SDCBP: variants seen among roughly 807,000 people sequenced by gnomAD.
SDCBP encodes the protein syntenin-1.
A neutral mutation model predicts 30.5 loss-of-function variants in SDCBP; 22 were observed. That is an observed-to-expected ratio of 0.72 (90% CI 0.52 to 1.03). The LOEUF (loss-of-function observed/expected upper bound fraction) is 1.03. SDCBP is among the 50% of genes least tolerant of loss of function. The pLI is 0.00. For missense variants in SDCBP, 304 were observed against 369.9 expected, an observed-to-expected ratio of 0.82 and a Z score of 1.46; for synonymous variants, 103 against 118.7, an observed-to-expected ratio of 0.87 and a Z score of 0.86.
At position 58,553,306 on chromosome 8, in the gene SDCBP, G is replaced by A. The variant is rs1459755312; in HGVS notation, c.-16+3G>A. 1 of 154,844 alleles carries A rather than the reference G, an allele frequency of 6.5e-6. No individual in the cohort carries two copies. Among genetic ancestry groups the A allele is most frequent in the African/African-American group, 2.4e-5 (1 of 41,514 alleles). The allele number at this position is 154,844 out of a possible 1,614,324, so 9.6% of individuals were successfully genotyped here. ...GCGAGCGGTTCCTTGTGGGCTAGGT[G>A]AGAGGCCAAGGGGGCAAGGAGGGAC... is the stretch of plus-strand genomic sequence containing the variant. On this transcript the variant is annotated splice_donor_region_variant and intron_variant, in intron 1 of 8. Coordinates refer to ENST00000260130, the MANE Select transcript of SDCBP (RefSeq NM_005625.4).
chr8:58,567,925 C>G (rs1804789601), intron 2 of SDCBP, among the ~76,000 whole-genome samples: 1 of 152,128 alleles, frequency 6.6e-6, no homozygotes, highest in African/African-American at 2.4e-5. Context: ...AAGGCACTTA[C>G]CATGAATGGA....
chr8:58,579,637 C>T lies in SDCBP; in HGVS notation c.593C>T (p.Thr198Met), dbSNP rs567927664. 1.2e-5 allele frequency: 19 copies of T among 1,579,634 alleles called. No homozygotes were observed. The highest frequency in any genetic ancestry group is 1.1e-4 in the African/African-American group (8 of 73,652). The change falls in exon 7 of 9, where the codon ACG (threonine) becomes ATG (methionine). Residue 198 changes from threonine (T) to methionine (M), a missense_variant. Thr to Met is a moderately conservative substitution (Grantham distance 81). Transcript: ENST00000260130. ...TATGTTTGTAGGCCCTTTGAACGGA[C>T]GATTACCATGCATAAGGATAGCACT... ...MTIRDRPFER[T>M]ITMHKDSTGH...
At chr8:58,576,177 G>A in intron 5 of SDCBP, 116 bp downstream of exon 5, 2 of 790,862 alleles carry the variant, frequency 2.5e-6, no homozygotes, top group South Asian at 2.0e-5. Flanking sequence ...CTGTAGTTGA[G>A]AATATTTTAA....
intron 1 of SDCBP, among the ~76,000 whole-genome samples, chr8:58,563,136 G>C (rs1804524844): frequency 6.6e-6 from 1 of 152,022 alleles, no homozygotes. Flanking sequence ...AATGCTCATT[G>C]GCATTTTTAA....
chr8:58,572,911 A>G (rs1427391430), intron 4 of SDCBP, among the ~76,000 whole-genome samples: 1 of 148,416 alleles, frequency 6.7e-6, no homozygotes, highest in Non-Finnish European at 1.5e-5. Flanking sequence ...GGTTCAAGCA[A>G]TTCTCCTGCC....
At chr8:58,558,343 G>A (rs1182383035) in intron 1 of SDCBP, among the ~76,000 whole-genome samples, 2 of 152,166 alleles carry the variant, frequency 1.3e-5, no homozygotes, top group African/African-American at 2.4e-5. Flanking sequence ...ATGTGGTGGT[G>A]TGACCACAGC....
chr8:58,572,350 A>G, intron 4 of SDCBP, 36 bp downstream of exon 4: 1 of 1,339,990 alleles, frequency 7.5e-7, no homozygotes, highest in Admixed American at 1.7e-5. Flanking sequence ...TTTATATAAA[A>G]TCATACTTTA....
intron 1 of SDCBP, among the ~76,000 whole-genome samples, chr8:58,557,197 A>G (rs1375539532): frequency 3.1e-4 from 39 of 127,188 alleles, no homozygotes; most frequent in African/African-American, 1.2e-3. Flanking sequence ...GTATTATTAT[A>G]TATTAATATT....
intron 2 of SDCBP, among the ~76,000 whole-genome samples, chr8:58,567,830 G>C (rs1481884003): frequency 2.6e-5 from 4 of 152,142 alleles, no homozygotes; most frequent in Non-Finnish European, 5.9e-5. Flanking sequence ...GTAGGCAATT[G>C]TTACACAATA....
chr8:58,570,669 T>C (rs890809447), intron 2 of SDCBP: 1 of 437,620 alleles, frequency 2.3e-6, no homozygotes, highest in Non-Finnish European at 4.1e-6. Flanking sequence ...TACAATTTTT[T>C]TGTGATAGCC....
At chr8:58,572,972 A>G (rs1225135113) in intron 4 of SDCBP, among the ~76,000 whole-genome samples, 1 of 151,502 alleles carries the variant, frequency 6.6e-6, no homozygotes, top group African/African-American at 2.4e-5. Flanking sequence ...ATGCCTGGCT[A>G]ATTTTTTGTA....
chr8:58,554,776 G>A (rs1354431607), intron 1 of SDCBP, among the ~76,000 whole-genome samples: 2 of 152,024 alleles, frequency 1.3e-5, no homozygotes, highest in Non-Finnish European at 2.9e-5. Context: ...AAAGAAAAGC[G>A]CCCCCAAATA....
Position 58,577,839 on chromosome 8 carries a change from G to C in SDCBP, c.403-194G>C, listed in dbSNP as rs1805430751. Among the ~76,000 whole-genome samples, 4 of 152,090 alleles carry C rather than the reference G, an allele frequency of 2.6e-5. No individual in the cohort carries two copies. The South Asian group carries it at 8.3e-4, about 32-fold the overall frequency. ...TTTTGCCTTATTCTTTGGAGTTGCT[G>C]TCTTGATAAATTTTTCAGTTTCTTT... On this transcript the variant is annotated intron_variant, in intron 5 of 8. Coordinates refer to ENST00000260130, the MANE Select transcript of SDCBP (RefSeq NM_005625.4).
intron 8 of SDCBP, among the ~76,000 whole-genome samples, chr8:58,581,240 A>T (rs1414440612): frequency 6.6e-6 from 1 of 152,242 alleles, no homozygotes; most frequent in East Asian, 1.9e-4. Context: ...ATTCATAAAC[A>T]TAACCATTGT....
intron 1 of SDCBP, among the ~76,000 whole-genome samples, chr8:58,557,293 G>T (rs1310174100): frequency 1.6e-5 from 2 of 121,524 alleles, no homozygotes; most frequent in Non-Finnish European, 1.6e-5. Context: ...TTTATATTTA[G>T]ATATTTATAT....
intron 1 of SDCBP, among the ~76,000 whole-genome samples, chr8:58,557,888 A>T (rs985820838): frequency 1.3e-5 from 2 of 152,204 alleles, no homozygotes; most frequent in African/African-American, 4.8e-5. Flanking sequence ...ATGTTTGATA[A>T]GAGTTGCAAG....
intron 7 of SDCBP, 36 bp from the exon 8 acceptor site, chr8:58,580,481 T>G: frequency 9.9e-7 from 1 of 1,005,392 alleles, no homozygotes. Context: ...AAATAAAGCC[T>G]CTGTGGAATT....
chr8:58,579,871 T>G, intron 7 of SDCBP, 77 bp downstream of exon 7: 1 of 1,359,122 alleles, frequency 7.4e-7, no homozygotes, highest in East Asian at 2.5e-5. Flanking sequence ...TAGGTGGCGC[T>G]GTTTTCATAT....
At chr8:58,573,152 A>G (rs912312733) in intron 4 of SDCBP, among the ~76,000 whole-genome samples, 2 of 152,022 alleles carry the variant, frequency 1.3e-5, no homozygotes, top group South Asian at 4.2e-4. Context: ...TCAAAGCTCC[A>G]TGTAATTAGA....
Sources: allele counts gnomAD v4.1 joint callset (sites outside exome capture counted in the v4.1 genomes callset), GRCh38; gene constraint gnomAD v4.1.1; transcripts MANE v1.5; gene names NCBI Gene and HGNC (gene_info 2026-07-23, HGNC 2026-07-21).